The following HDAC9 variants were observed in gnomAD, a reference collection of about 807,000 sequenced individuals.
The protein encoded by HDAC9 is MEF-2 interacting transcription repressor (MITR) protein.
A neutral mutation model predicts 139.4 loss-of-function variants in HDAC9; 41 were observed. The observed-to-expected ratio is 0.29, with a 90% CI of 0.23 to 0.38. HDAC9 has a LOEUF of 0.38. Ranked by LOEUF, HDAC9 falls within the 10% of genes least tolerant of loss-of-function variation. The probability of loss-of-function intolerance (pLI) is 1.00; values close to 1 mark genes in which losing one functional copy is unlikely to be tolerated. For missense variants in HDAC9, 1,147 were observed against 1,297.0 expected (o/e 0.88, Z 1.78); for synonymous variants, 517 against 476.2 (o/e 1.09, Z -1.12).
chr7:18,921,312 A>G (rs1803698593), intron 22 of HDAC9, among the ~76,000 whole-genome samples: 1 of 152,214 alleles, frequency 6.6e-6, no homozygotes. Flanking sequence ...AGAATGGGAG[A>G]AAATTTTTGC....
chr7:18,423,676 C>G (rs1328090096), intron 1 of HDAC9, among the ~76,000 whole-genome samples: 1 of 152,166 alleles, frequency 6.6e-6, no homozygotes, highest in Non-Finnish European at 1.5e-5. Flanking sequence ...AGGGCCATTC[C>G]CCACATGGCC....
At chr7:18,727,417 G>T (rs1295495310) in intron 12 of HDAC9, among the ~76,000 whole-genome samples, 163 bp from the exon 13 acceptor site, 3 of 152,170 alleles carry the variant, frequency 2.0e-5, no homozygotes, top group African/African-American at 7.2e-5. Context: ...TTATTGACTG[G>T]ATCTTGTTTT....
At chr7:18,232,059 AT>A (rs1793495516) in intron 2 of HDAC9, among the ~76,000 whole-genome samples, 1 of 152,244 alleles carries the variant, frequency 6.6e-6, no homozygotes, top group South Asian at 2.1e-4. Context: ...CTTACTCATC[AT>A]AATTATGAGA....
chr7:18,906,138 T>A (rs968690620), intron 22 of HDAC9, among the ~76,000 whole-genome samples: 3 of 151,722 alleles, frequency 2.0e-5, no homozygotes, highest in African/African-American at 7.3e-5. Context: ...CTTTTTTTTT[T>A]AACGTTATTT....
At chr7:18,336,514 A>G (rs1781597498) in intron 1 of HDAC9, among the ~76,000 whole-genome samples, 1 of 151,672 alleles carries the variant, frequency 6.6e-6, no homozygotes, top group African/African-American at 2.4e-5. Context: ...TTCACTATGA[A>G]TATATGTAAA....
At chr7:18,148,163 G>A (rs557192031) in intron 1 of HDAC9, among the ~76,000 whole-genome samples, 1 of 152,284 alleles carries the variant, frequency 6.6e-6, no homozygotes, top group Admixed American at 6.5e-5. Context: ...AAGTGTGCTG[G>A]CTTGAAACAA....
At chr7:18,491,305 G>A (rs566903913), upstream of HDAC9, among the ~76,000 whole-genome samples, 27 of 151,626 alleles carry the variant, frequency 1.8e-4, no homozygotes, top group Middle Eastern at 3.4e-3. Context: ...ATAAATAATG[G>A]CACATATTTT....
intron 12 of HDAC9, among the ~76,000 whole-genome samples, chr7:18,718,054 A>AT (rs1784840596): frequency 1.3e-5 from 2 of 152,096 alleles, no homozygotes; most frequent in African/African-American, 4.8e-5. Flanking sequence ...TGACTGGTGC[A>AT]ACCATCACCA....
rs183106244 is a variant in HDAC9, at chr7:18,676,477, T to A, written c.1731+10001T>A. ...AGCCATTTGTCCTCTCTCTATTACC[T>A]TCTTTTAACATGGTGAAGAATAAGT... On this transcript the variant is annotated intron_variant, in intron 12 of 25. Transcript: ENST00000686413. 6.0e-3 allele frequency among the ~76,000 whole-genome samples: 908 copies of A among 152,140 alleles called. 6 individuals are homozygous for A. The highest frequency in any genetic ancestry group is 0.021 in the African/African-American group (867 of 41,546).
upstream of HDAC9, among the ~76,000 whole-genome samples, chr7:18,493,992 C>T (rs1276315715): frequency 6.6e-6 from 1 of 152,000 alleles, no homozygotes; most frequent in African/African-American, 2.4e-5. Context: ...TACTTCAGTA[C>T]ATCATCCTTA....
chr7:18,212,749 C>G (rs1252434513), intron 2 of HDAC9, among the ~76,000 whole-genome samples: 1 of 152,164 alleles, frequency 6.6e-6, no homozygotes, highest in Admixed American at 6.6e-5. Context: ...AGGTTTCAGA[C>G]TGTCATATAC....
chr7:18,107,430 A>G (rs1783297644), intron 1 of HDAC9, among the ~76,000 whole-genome samples: 1 of 152,172 alleles, frequency 6.6e-6, no homozygotes, highest in African/African-American at 2.4e-5. Flanking sequence ...GCCCTACTGA[A>G]GATCAGAGAT....
At chr7:18,200,207 G>A (rs1236580315) in intron 2 of HDAC9, among the ~76,000 whole-genome samples, 1 of 152,186 alleles carries the variant, frequency 6.6e-6, no homozygotes, top group Non-Finnish European at 1.5e-5. Flanking sequence ...TGTTCAGACT[G>A]CAGTTACCTG....
At chr7:18,283,320 G>A (rs1797225506) in intron 2 of HDAC9, among the ~76,000 whole-genome samples, 1 of 152,126 alleles carries the variant, frequency 6.6e-6, no homozygotes, top group South Asian at 2.1e-4. Context: ...ACAATCAAGA[G>A]AACAGCTTGG....
intron 8 of HDAC9, 29 bp from the exon 9 acceptor site, chr7:18,644,642 A>AT: frequency 1.3e-6 from 2 of 1,592,962 alleles, no homozygotes; most frequent in Non-Finnish European, 1.7e-6. Flanking sequence ...ATACTGTGGT[A>AT]TTTTGAGACT....
chr7:18,114,888 C>T (rs1298019220), intron 1 of HDAC9, among the ~76,000 whole-genome samples: 1 of 152,170 alleles, frequency 6.6e-6, no homozygotes, highest in African/African-American at 2.4e-5. Context: ...ATATGTTAGC[C>T]TCTTCGCAGC....
chr7:18,647,834 G>A lies in HDAC9; in HGVS notation c.1085G>A (p.Arg362Lys). The A allele has an allele frequency of 1.2e-6, 2 of 1,612,412 alleles. No homozygotes were observed. Among genetic ancestry groups the A allele is most frequent in the Non-Finnish European group, 8.5e-7 (1 of 1,179,208 alleles). ...CAGAAGTGTGAGACGCAGACGCTTA[G>A]GCAAGGTGTTCCTCTGCCTGGGCAG... is the stretch of plus-strand genomic sequence containing the variant. Reference protein sequence around the residue: ...EKQKCETQTLRQGVPLPGQYG... With the variant: ...EKQKCETQTLKQGVPLPGQYG... The change falls in exon 10 of 26, where the codon AGG (arginine) becomes AAG (lysine). Residue 362 changes from arginine to lysine, a missense_variant. Arg to Lys is a conservative substitution (Grantham distance 26). Coordinates refer to ENST00000686413, the MANE Select transcript of HDAC9 (RefSeq NM_178425.4).
intron 23 of HDAC9, among the ~76,000 whole-genome samples, chr7:18,937,126 G>A (rs562138546): frequency 3.0e-5 from 4 of 135,382 alleles, no homozygotes; most frequent in South Asian, 2.5e-4. Context: ...TGCAACCTCC[G>A]CCACCCGGGT....
intron 12 of HDAC9, among the ~76,000 whole-genome samples, chr7:18,679,931 A>G (rs1004316856): frequency 2.0e-5 from 3 of 151,886 alleles, no homozygotes; most frequent in East Asian, 3.9e-4. Context: ...GCAGTCTTCT[A>G]ATTTGGGATC....
Sources: gnomAD v4.1 joint callset for allele counts (sites outside exome capture counted in the v4.1 genomes callset) on GRCh38, gnomAD v4.1.1 for gene constraint, MANE v1.5 for transcripts, NCBI Gene and HGNC (gene_info 2026-07-23, HGNC 2026-07-21) for gene names.